Variants in OPCML observed in about 807,000 individuals in gnomAD.
OPCML encodes opioid-binding protein/cell adhesion molecule.
OPCML carries 13 observed loss-of-function variants against 37.8 expected under a neutral mutation model. The observed-to-expected ratio is 0.34, with a 90% CI of 0.22 to 0.55. OPCML has a LOEUF of 0.55. Ranked by LOEUF, OPCML falls within the 20% of genes least tolerant of loss-of-function variation. The probability of loss-of-function intolerance (pLI) is 0.91; values close to 1 mark genes in which losing one functional copy is unlikely to be tolerated. For missense variants in OPCML, 341 were observed against 435.6 expected (o/e 0.78, Z 1.93); for synonymous variants, 176 against 168.8 (o/e 1.04, Z -0.33).
intron 1 of OPCML, among the ~76,000 whole-genome samples, chr11:133,222,947 C>G (rs1939899326): frequency 6.6e-6 from 1 of 152,084 alleles, no homozygotes; most frequent in African/African-American, 2.4e-5. Flanking sequence ...CAGGTCCCAG[C>G]CTTGTGTACT....
intron 1 of OPCML, among the ~76,000 whole-genome samples, chr11:133,318,317 T>C (rs919783408): frequency 6.6e-6 from 1 of 152,286 alleles, no homozygotes; most frequent in East Asian, 1.9e-4. Context: ...GCAAAGTCAG[T>C]TTACGAAGAA....
chr11:132,654,188 A>G (rs1268711457), intron 3 of OPCML, among the ~76,000 whole-genome samples: 3 of 152,184 alleles, frequency 2.0e-5, no homozygotes, highest in Non-Finnish European at 4.4e-5. Context: ...TGGTAATTCA[A>G]CTGTCTTCCA....
intron 1 of OPCML, among the ~76,000 whole-genome samples, chr11:133,254,727 C>T (rs1941254745): frequency 1.3e-5 from 2 of 152,082 alleles, no homozygotes; most frequent in South Asian, 2.1e-4. Context: ...TAAACTTGGG[C>T]AATTGTGTGT....
chr11:132,974,404 C>T (rs1318227267), intron 1 of OPCML, among the ~76,000 whole-genome samples: 1 of 152,202 alleles, frequency 6.6e-6, no homozygotes, highest in East Asian at 1.9e-4. Context: ...ACCGAAAAAG[C>T]TCATCATCAC....
intron 1 of OPCML, among the ~76,000 whole-genome samples, chr11:133,145,179 C>A (rs187120983): frequency 1.1e-3 from 164 of 152,262 alleles, no homozygotes; most frequent in Middle Eastern, 3.4e-3. Context: ...ATTAATTAAT[C>A]TAGGGCTGAC....
At chr11:133,440,762 TTATA>T (rs58808691) in intron 1 of OPCML, among the ~76,000 whole-genome samples, 3 of 126,954 alleles carry the variant, frequency 2.4e-5, no homozygotes, top group South Asian at 2.5e-4. Context: ...CCTACAGCAA[TTATA>T]TATATATATA....
At chr11:132,782,044 AG>A (rs1237279595) in intron 2 of OPCML, among the ~76,000 whole-genome samples, 1 of 148,468 alleles carries the variant, frequency 6.7e-6, no homozygotes, top group African/African-American at 2.5e-5. Context: ...CCACATCTTC[AG>A]TTTCATCTGC....
At chr11:133,400,400 C>T (rs945416238) in intron 1 of OPCML, among the ~76,000 whole-genome samples, 1 of 152,168 alleles carries the variant, frequency 6.6e-6, no homozygotes, top group Admixed American at 6.5e-5. Flanking sequence ...TTTTAAGGTG[C>T]TCTTTGCTCC....
At chr11:132,454,853 G>A (rs75765707) in intron 4 of OPCML, among the ~76,000 whole-genome samples, 1,579 of 152,244 alleles carry the variant, frequency 0.01, 31 homozygotes, top group East Asian at 0.051. Flanking sequence ...GAAGGGATGT[G>A]ATTTTCAGTC....
At chr11:132,745,803 G>C (rs1945614185) in intron 2 of OPCML, among the ~76,000 whole-genome samples, 1 of 152,098 alleles carries the variant, frequency 6.6e-6, no homozygotes, top group Non-Finnish European at 1.5e-5. Flanking sequence ...TAGGCATTCA[G>C]GGTCAACTAA....
chr11:133,506,003 C>T (rs146377501), intron 1 of OPCML, among the ~76,000 whole-genome samples: 200 of 152,294 alleles, frequency 1.3e-3, no homozygotes, highest in Non-Finnish European at 2.0e-3. Flanking sequence ...ACAAAATAAG[C>T]CTCTCTAATA....
chr11:133,244,050 C>T (rs1940827835), intron 1 of OPCML, among the ~76,000 whole-genome samples: 1 of 152,210 alleles, frequency 6.6e-6, no homozygotes, highest in Non-Finnish European at 1.5e-5. Context: ...GGTGAGAAGG[C>T]AGACTCCACC....
intron 2 of OPCML, among the ~76,000 whole-genome samples, chr11:132,779,706 T>A (rs1312598222): frequency 6.6e-6 from 1 of 152,112 alleles, no homozygotes; most frequent in Non-Finnish European, 1.5e-5. Context: ...CAGCAGAATG[T>A]TAATGAGGTC....
At chr11:132,826,473 T>A (rs1325496896) in intron 2 of OPCML, among the ~76,000 whole-genome samples, 1 of 152,154 alleles carries the variant, frequency 6.6e-6, no homozygotes, top group African/African-American at 2.4e-5. Context: ...CAAGAGAAGA[T>A]GCAAAGGGGC....
At chr11:133,292,570 A>G (rs1236321509) in intron 1 of OPCML, among the ~76,000 whole-genome samples, 2 of 152,182 alleles carry the variant, frequency 1.3e-5, no homozygotes, top group Non-Finnish European at 2.9e-5. Flanking sequence ...CTGTGCTCCA[A>G]TTCCCCAAGG....
At chr11:133,043,721 T>C (rs1203392724) in intron 1 of OPCML, among the ~76,000 whole-genome samples, 2 of 152,206 alleles carry the variant, frequency 1.3e-5, no homozygotes, top group Non-Finnish European at 1.5e-5. Context: ...GTTACTTTTA[T>C]GTGCATGATG....
intron 1 of OPCML, among the ~76,000 whole-genome samples, chr11:133,348,418 T>C (rs1206649598): frequency 6.6e-6 from 1 of 152,180 alleles, no homozygotes; most frequent in Non-Finnish European, 1.5e-5. Flanking sequence ...CTTTCCTGAA[T>C]GAAGGGAGAT....
intron 2 of OPCML, among the ~76,000 whole-genome samples, chr11:132,669,220 G>A (rs994774958): frequency 6.6e-6 from 1 of 151,936 alleles, no homozygotes; most frequent in Non-Finnish European, 1.5e-5. Flanking sequence ...CAGTCTAGAA[G>A]AACCATTCTC....
intron 1 of OPCML, among the ~76,000 whole-genome samples, chr11:133,216,572 A>G (rs559220365): frequency 6.6e-6 from 1 of 152,146 alleles, no homozygotes; most frequent in Non-Finnish European, 1.5e-5. Context: ...TTTTATATTC[A>G]TTATCTTATT....
Sources: gnomAD v4.1 joint callset for allele counts (sites outside exome capture counted in the v4.1 genomes callset) on GRCh38, gnomAD v4.1.1 for gene constraint, MANE v1.5 for transcripts, NCBI Gene and HGNC (gene_info 2026-07-23, HGNC 2026-07-21) for gene names.